TRHDE: variants seen among roughly 807,000 people sequenced by gnomAD.
TRHDE encodes the protein thyrotropin releasing hormone degrading enzyme, also known as thyrotropin-releasing hormone-degrading ectoenzyme.
Under a neutral mutation model 125.7 loss-of-function variants are expected in TRHDE, and 72 were observed. The ratio of observed to expected loss-of-function variants is 0.57; its 90% CI spans 0.47 to 0.70. TRHDE has a LOEUF of 0.70. Ranked by LOEUF, TRHDE falls within the 30% of genes least tolerant of loss-of-function variation. The pLI is 0.00. For synonymous variants in TRHDE, 509 were observed against 509.1 expected, an observed-to-expected ratio of 1.00 and a Z score of 0.00; for missense variants, 1,110 against 1,327.1, an observed-to-expected ratio of 0.84 and a Z score of 2.54.
chr12:72,639,575 G>C (rs1464867054), intron 15 of TRHDE, among the ~76,000 whole-genome samples: 24 of 150,096 alleles, frequency 1.6e-4, no homozygotes, highest in African/African-American at 3.5e-4. Context: ...GAGGAGAGGC[G>C]CTCTGCTTTT....
intron 15 of TRHDE, among the ~76,000 whole-genome samples, chr12:72,645,332 T>G (rs78942407): frequency 6.6e-6 from 1 of 152,188 alleles, no homozygotes; most frequent in African/African-American, 2.4e-5. Flanking sequence ...AAAAATTTAC[T>G]GTTAATAGAA....
intron 17 of TRHDE, among the ~76,000 whole-genome samples, chr12:72,656,717 A>G (rs1024200699): frequency 6.6e-6 from 1 of 152,136 alleles, no homozygotes; most frequent in Non-Finnish European, 1.5e-5. Context: ...ACTGTGAACC[A>G]TATTAGGTGG....
At chr12:72,517,249 A>G (rs924264843) in intron 6 of TRHDE, among the ~76,000 whole-genome samples, 1 of 151,522 alleles carries the variant, frequency 6.6e-6, no homozygotes, top group Non-Finnish European at 1.5e-5. Context: ...CTCTGGTAGA[A>G]TTTGGCTGTG....
intron 2 of TRHDE, among the ~76,000 whole-genome samples, chr12:72,115,870 C>A (rs1875431317): frequency 6.6e-6 from 1 of 152,138 alleles, no homozygotes; most frequent in African/African-American, 2.4e-5. Context: ...ACTTCAAGTT[C>A]TAGGATACAT....
At chr12:72,511,524 C>G (rs564302823) in intron 6 of TRHDE, among the ~76,000 whole-genome samples, 1 of 152,246 alleles carries the variant, frequency 6.6e-6, no homozygotes, top group South Asian at 2.1e-4. Context: ...CAACATTATA[C>G]TGGACCAGCA....
chr12:72,488,009 TCAAC>T (rs1877490812), intron 5 of TRHDE, among the ~76,000 whole-genome samples: 1 of 150,284 alleles, frequency 6.7e-6, no homozygotes, highest in African/African-American at 2.5e-5. Flanking sequence ...AAAAAAAAAT[TCAAC>T]AGATACACAA....
intron 6 of TRHDE, among the ~76,000 whole-genome samples, chr12:72,500,730 A>G (rs1236416456): frequency 6.6e-6 from 1 of 152,082 alleles, no homozygotes; most frequent in Non-Finnish European, 1.5e-5. Context: ...GGATAAAAAG[A>G]TATCATGAAT....
chr12:72,273,456 C>A lies in TRHDE; in HGVS notation c.813C>A (p.Asp271Glu). ...VLVVVLNRTL[D>E]AQRNYNLKII... Reference sequence around the variant, plus strand: ...TGGTGGTGCTGAATAGGACACTGGACGCGCAGAGGAATTACAATCTGAAGA... The same window carrying A: ...TGGTGGTGCTGAATAGGACACTGGAAGCGCAGAGGAATTACAATCTGAAGA... The change falls in exon 1 of 19, where the codon GAC (aspartate) becomes GAA (glutamate). Residue 271 changes from aspartate (D) to glutamate (E), a missense_variant. Coordinates refer to ENST00000261180, the MANE Select transcript of TRHDE (RefSeq NM_013381.3). This position sits in a 1 kb window ranked among gnomAD's most constrained non-coding sequence, Gnocchi z 5.3. The A allele has an allele frequency of 6.2e-7, 1 of 1,614,056 alleles. No homozygotes were observed. The highest frequency in any genetic ancestry group is 8.5e-7 in the Non-Finnish European group (1 of 1,180,032).
chr12:72,547,032 A>C (rs1351585214), intron 7 of TRHDE, among the ~76,000 whole-genome samples: 2 of 151,836 alleles, frequency 1.3e-5, no homozygotes, highest in Middle Eastern at 3.4e-3. Flanking sequence ...TCTAACCCAT[A>C]CAGTGCACAG....
chr12:72,636,999 C>G (rs1873785656), intron 15 of TRHDE, among the ~76,000 whole-genome samples: 1 of 152,158 alleles, frequency 6.6e-6, no homozygotes, highest in African/African-American at 2.4e-5. Context: ...GCTTTGGTAT[C>G]AGGATGATGC....
At chr12:72,517,417 C>T (rs1397613990) in intron 6 of TRHDE, among the ~76,000 whole-genome samples, 1 of 152,110 alleles carries the variant, frequency 6.6e-6, no homozygotes, top group East Asian at 1.9e-4. Context: ...TCTAGATTTT[C>T]TAGTTTATTT....
At chr12:72,231,118 G>C (rs1878237962) in intron 2 of TRHDE, among the ~76,000 whole-genome samples, 3 of 151,960 alleles carry the variant, frequency 2.0e-5, no homozygotes, top group Admixed American at 1.3e-4. Context: ...AGTTTTAACT[G>C]TCTTTTGATT....
intron 12 of TRHDE, among the ~76,000 whole-genome samples, chr12:72,609,012 G>A (rs568247600): frequency 6.6e-6 from 1 of 152,258 alleles, no homozygotes; most frequent in Non-Finnish European, 1.5e-5. Context: ...AAAGGATTTA[G>A]TCACATAGTG....
chr12:72,554,847 G>A (rs765467907), intron 7 of TRHDE, among the ~76,000 whole-genome samples: 9 of 152,132 alleles, frequency 5.9e-5, no homozygotes, highest in Non-Finnish European at 1.5e-5. Context: ...ACAGGTGTAG[G>A]ACCCTGTCAC....
chr12:72,521,320 C>T (rs1879182022), intron 6 of TRHDE, among the ~76,000 whole-genome samples: 1 of 152,130 alleles, frequency 6.6e-6, no homozygotes, highest in African/African-American at 2.4e-5. Flanking sequence ...CTATTTTACC[C>T]TATTTAGTAT....
At position 72,575,307 on chromosome 12, in the gene TRHDE, C is replaced by T; in HGVS notation, c.2184C>T (p.Ile728=). 1.9e-6 allele frequency: 3 copies of T among 1,613,538 alleles called. No individual in the cohort carries two copies. The highest frequency in any genetic ancestry group is 1.7e-6 in the Non-Finnish European group (2 of 1,179,708). Residue 728 remains isoleucine, a synonymous_variant, in exon 11 of 19, where the codon ATC becomes ATT. Transcript: ENST00000261180. ...LDKGSWLLGN[I]NQTGYFRVNY... ...AAGGAAGCTGGCTGCTGGGGAACAT[C>T]AATCAAACTGGCTATTTTAGAGTCA...
At chr12:72,466,923 C>T (rs2135893338) in intron 3 of TRHDE, among the ~76,000 whole-genome samples, 1 of 152,180 alleles carries the variant, frequency 6.6e-6, no homozygotes, top group East Asian at 1.9e-4. Context: ...ACGTCCTGCA[C>T]ACGCTCACAT....
rs757637722 is a variant in TRHDE, at chr12:72,619,058, C to A, written c.2469+20C>A. 6.6e-7 allele frequency: 1 copy of A among 1,509,388 alleles called. No individual in the cohort carries two copies. The highest frequency in any genetic ancestry group is 8.9e-7 in the Non-Finnish European group (1 of 1,127,672). 93.5% of individuals were successfully genotyped at this position (1,509,388 alleles called of 1,614,324 possible). A position where few individuals can be genotyped will look rare whatever the true frequency, so the allele number is the denominator to read the frequency against. On this transcript the variant is annotated intron_variant, in intron 13 of 18. Coordinates refer to ENST00000261180, the MANE Select transcript of TRHDE (RefSeq NM_013381.3). ...TTCAATGTAAAAAGATATAATTTTT[C>A]TTTCTAATTTTTAGAAGATACACTA...
At chr12:72,397,845 TATC>T (rs1322542149) in intron 3 of TRHDE, among the ~76,000 whole-genome samples, 6 of 152,124 alleles carry the variant, frequency 3.9e-5, no homozygotes. Flanking sequence ...TATTTATTAT[TATC>T]ATACTTTAAG....
Sources: gnomAD v4.1 joint callset for allele counts (sites outside exome capture counted in the v4.1 genomes callset) on GRCh38, gnomAD v4.1.1 for gene constraint, Gnocchi (gnomAD v3.1) non-coding constraint, MANE v1.5 for transcripts, NCBI Gene and HGNC (gene_info 2026-07-23, HGNC 2026-07-21) for gene names.